The following RASGEF1C variants were observed in gnomAD, a reference collection of about 807,000 sequenced individuals.
The protein encoded by RASGEF1C is ras-GEF domain-containing family member 1C.
A neutral mutation model predicts 58.1 loss-of-function variants in RASGEF1C; 27 were observed. The ratio of observed to expected loss-of-function variants is 0.46; its 90% confidence interval spans 0.34 to 0.64. RASGEF1C has a LOEUF of 0.64. RASGEF1C is among the 30% of genes least tolerant of loss of function. The pLI, the probability that RASGEF1C is intolerant of heterozygous loss-of-function variation, is 0.01. For missense variants in RASGEF1C, 502 were observed against 605.1 expected (o/e 0.83, Z 1.79); for synonymous variants, 243 against 246.3 (o/e 0.99, Z 0.13).
chr5:180,174,596 G>C (rs1396376135), intron 1 of RASGEF1C, among the ~76,000 whole-genome samples: 3 of 143,898 alleles, frequency 2.1e-5, no homozygotes, highest in East Asian at 4.3e-4. Flanking sequence ...ACGTGTGTGT[G>C]TGTGTGCACG....
chr5:180,159,620 A>G (rs1766905413), intron 1 of RASGEF1C, among the ~76,000 whole-genome samples: 1 of 152,128 alleles, frequency 6.6e-6, no homozygotes, highest in Admixed American at 6.5e-5. Context: ...AAGAGAGATG[A>G]TGGGGCTGCG....
At chr5:180,116,963 C>G (rs1473525972) in intron 10 of RASGEF1C, among the ~76,000 whole-genome samples, 4 of 152,252 alleles carry the variant, frequency 2.6e-5, no homozygotes, top group African/African-American at 9.6e-5. Context: ...GAGACTCAGT[C>G]TGCTGATCTG....
At chr5:180,194,572 A>T (rs1170196797) in intron 1 of RASGEF1C, among the ~76,000 whole-genome samples, 1 of 152,126 alleles carries the variant, frequency 6.6e-6, no homozygotes, top group Non-Finnish European at 1.5e-5. Context: ...AAAACCACTG[A>T]GTGTACCATT....
At chr5:180,153,577 T>C (rs1031725125) in intron 1 of RASGEF1C, among the ~76,000 whole-genome samples, 1 of 152,214 alleles carries the variant, frequency 6.6e-6, no homozygotes, top group Non-Finnish European at 1.5e-5. Flanking sequence ...CTTCCCTGAC[T>C]TCTTCTCATT....
chr5:180,182,167 T>C (rs1451934407), intron 1 of RASGEF1C, among the ~76,000 whole-genome samples: 4 of 118,414 alleles, frequency 3.4e-5, no homozygotes, highest in Non-Finnish European at 6.3e-5. Flanking sequence ...ATCGCGCCAC[T>C]GAACTCCAGC....
At chr5:180,173,685 T>TG (rs999004767) in intron 1 of RASGEF1C, among the ~76,000 whole-genome samples, 30 of 150,758 alleles carry the variant, frequency 2.0e-4, no homozygotes, top group Admixed American at 5.9e-4. Flanking sequence ...GAGGCCAAGG[T>TG]GGGCAGATCA....
intron 5 of RASGEF1C, among the ~76,000 whole-genome samples, chr5:180,127,912 CTA>C (rs1205317699): frequency 1.3e-5 from 2 of 152,182 alleles, no homozygotes; most frequent in African/African-American, 4.8e-5. Context: ...GGGAGCAATG[CTA>C]TGAGGCGTGA....
rs1290581582 is a variant in RASGEF1C at position 180,168,622 on chromosome 5, G to A, written c.-6-30564C>T. Among the ~76,000 whole-genome samples, 1 of 152,090 alleles carries A rather than the reference G, an allele frequency of 6.6e-6. No homozygotes were observed. Among genetic ancestry groups the A allele is most frequent in the Non-Finnish European group, 1.5e-5 (1 of 68,016 alleles). ...ATGCCTGATTCCAGGGCCAAGGTGT[G>A]GGGGTCAGAGAGTGAAAGAGAAGCC... is the stretch of plus-strand genomic sequence containing the variant. On this transcript the variant is annotated intron_variant, in intron 1 of 13. Transcript: ENST00000361132. The surrounding 1 kb of genome is among the most constrained non-coding windows in gnomAD (Gnocchi z 6.0).
intron 7 of RASGEF1C, among the ~76,000 whole-genome samples, chr5:180,120,673 T>C (rs73811001): frequency 2.7e-3 from 417 of 152,296 alleles, no homozygotes; most frequent in African/African-American, 9.4e-3. Context: ...CATCTCCCAG[T>C]GCTCAAAGGT....
chr5:180,207,880 G>C (rs1756517172), intron 1 of RASGEF1C, among the ~76,000 whole-genome samples: 3 of 152,212 alleles, frequency 2.0e-5, no homozygotes, highest in Admixed American at 2.0e-4. Context: ...GCCGCGCCCT[G>C]GTCTCCCTCT....
chr5:180,203,959 C>T (rs865796647), intron 1 of RASGEF1C, among the ~76,000 whole-genome samples: 2 of 151,878 alleles, frequency 1.3e-5, no homozygotes, highest in African/African-American at 4.8e-5. Context: ...TGCCACTGCA[C>T]TCTAGCCTGG....
At chr5:180,194,740 T>G (rs921168744) in intron 1 of RASGEF1C, among the ~76,000 whole-genome samples, 25 of 152,006 alleles carry the variant, frequency 1.6e-4, no homozygotes, top group African/African-American at 6.0e-4. Flanking sequence ...TTTACGGGAG[T>G]ACGTCACAGG....
chr5:180,111,765 G>A (rs1765963222), intron 11 of RASGEF1C, among the ~76,000 whole-genome samples, 185 bp from the exon 12 acceptor site: 1 of 152,284 alleles, frequency 6.6e-6, no homozygotes, highest in South Asian at 2.1e-4. Flanking sequence ...GAGCAAGAGT[G>A]GGCCTGGTTT....
intron 6 of RASGEF1C, among the ~76,000 whole-genome samples, chr5:180,121,681 A>C (rs112816568): frequency 0.34 from 25,016 of 73,386 alleles, 2,471 homozygotes; most frequent in South Asian, 0.42. Context: ...ACACACACAC[A>C]CCCTCATTAT....
chr5:180,199,481 A>G (rs1283370493), intron 1 of RASGEF1C, among the ~76,000 whole-genome samples: 1 of 152,184 alleles, frequency 6.6e-6, no homozygotes, highest in Non-Finnish European at 1.5e-5. Context: ...TTTCCTCTGC[A>G]GGGGCACTAA....
At chr5:180,188,712 T>G (rs891759222) in intron 1 of RASGEF1C, among the ~76,000 whole-genome samples, 2 of 152,246 alleles carry the variant, frequency 1.3e-5, no homozygotes, top group African/African-American at 4.8e-5. Flanking sequence ...AGAGGGTACA[T>G]GTGCAGGTTT....
At chr5:180,203,779 G>A (rs886613067) in intron 1 of RASGEF1C, among the ~76,000 whole-genome samples, 11 of 152,190 alleles carry the variant, frequency 7.2e-5, no homozygotes, top group South Asian at 4.1e-4. Context: ...AGGATCACTT[G>A]AGGCCAGGAG....
chr5:180,187,151 C>G (rs1756058413), intron 1 of RASGEF1C, among the ~76,000 whole-genome samples: 1 of 152,052 alleles, frequency 6.6e-6, no homozygotes, highest in African/African-American at 2.4e-5. Flanking sequence ...AAAAGGGAGC[C>G]AACATCATTA....
At chr5:180,141,417 C>T (rs967884647) in intron 1 of RASGEF1C, among the ~76,000 whole-genome samples, 5 of 152,244 alleles carry the variant, frequency 3.3e-5, no homozygotes, top group Non-Finnish European at 5.9e-5. Context: ...TGCGGCAACA[C>T]GGATGACCTT....
Sources: gnomAD v4.1 joint callset for allele counts (sites outside exome capture counted in the v4.1 genomes callset) on GRCh38, gnomAD v4.1.1 for gene constraint, Gnocchi (gnomAD v3.1) non-coding constraint, MANE v1.5 for transcripts, NCBI Gene and HGNC (gene_info 2026-07-23, HGNC 2026-07-21) for gene names.